Variants in HOXC5 observed in about 807,000 individuals in gnomAD.
HOXC5 encodes the protein homeobox protein Hox-C5.
Under a neutral mutation model 20.1 loss-of-function variants are expected in HOXC5, and 19 were observed. The ratio of observed to expected loss-of-function variants is 0.94; its 90% CI spans 0.66 to 1.38. HOXC5 has a LOEUF of 1.38. HOXC5 is among the 40% of genes most tolerant of loss of function. The probability of loss-of-function intolerance (pLI) is 0.00; values close to 1 mark genes in which losing one functional copy is unlikely to be tolerated. For missense variants in HOXC5, 330 were observed against 300.1 expected (o/e 1.10, Z -0.74); for synonymous variants, 124 against 117.0 (o/e 1.06, Z -0.39).
At chr12:54,030,156 C>A, upstream of HOXC5, 1 of 545,364 alleles carries the variant, frequency 1.8e-6, no homozygotes, top group South Asian at 3.1e-5. Context: ...TCTTTCACCA[C>A]GCGCCTCCTC....
chr12:54,031,800 G>A (rs1280395376), upstream of HOXC5, among the ~76,000 whole-genome samples: 7 of 152,186 alleles, frequency 4.6e-5, no homozygotes, highest in African/African-American at 1.7e-4. Context: ...GGCTACGGGG[G>A]AAGAGGATGG....
At chr12:54,032,286 C>G (rs921384714), upstream of HOXC5, among the ~76,000 whole-genome samples, 2 of 152,212 alleles carry the variant, frequency 1.3e-5, no homozygotes, top group South Asian at 2.1e-4. Flanking sequence ...AGCTTCATGA[C>G]CCCCCTATCT....
the HOXC5 span, chr12:54,017,433 G>A: frequency 2.3e-4 from 35 of 150,382 alleles, no homozygotes; most frequent in African/African-American, 8.8e-4. Context: ...TTCCTTATTG[G>A]TTCAAATATG....
chr12:54,026,943 C>A, the HOXC5 span, among the ~76,000 whole-genome samples: 514 of 140,392 alleles, frequency 3.7e-3, 3 homozygotes, highest in African/African-American at 0.013. Context: ...CTTTCCCCCC[C>A]CCCAACCCAC....
upstream of HOXC5, chr12:54,028,499 A>G (rs1940832225): frequency 6.2e-7 from 1 of 1,607,846 alleles, no homozygotes; most frequent in African/African-American, 1.3e-5. Flanking sequence ...GAAATCATAG[A>G]CCGACCAGGT....
upstream of HOXC5, among the ~76,000 whole-genome samples, chr12:54,032,440 T>G (rs1025195783): frequency 6.6e-6 from 1 of 152,238 alleles, no homozygotes; most frequent in Non-Finnish European, 1.5e-5. Context: ...ACCTTTGGTT[T>G]AGGGAACCTA....
In HOXC5 at chr12:54,035,130, T is replaced by G. The variant is rs1257020329; in HGVS notation, c.*638T>G. The stretch of plus-strand genomic sequence containing the variant: ...CCCGGGAACCTCCCCAGCCTGCGCC[T>G]GCTGCATGCCCTCTCAGGCCGGCAG... On this transcript the variant is annotated 3_prime_UTR_variant, in exon 2 of 2. Coordinates refer to ENST00000312492, the MANE Select transcript of HOXC5 (RefSeq NM_018953.4). 1 of 154,192 alleles carries G rather than the reference T, an allele frequency of 6.5e-6. No homozygotes were observed. The highest frequency in any genetic ancestry group is 1.4e-5 in the Non-Finnish European group (1 of 69,212). 9.6% of individuals were successfully genotyped at this position (154,192 alleles called of 1,614,324 possible). A position where few individuals can be genotyped will look rare whatever the true frequency, so the allele number is the denominator to read the frequency against.
chr12:54,029,884 C>A (rs768294867), upstream of HOXC5: 1 of 1,610,382 alleles, frequency 6.2e-7, no homozygotes, highest in Non-Finnish European at 8.5e-7. Context: ...CGGGGGGCGG[C>A]GGAGGGGCCA....
upstream of HOXC5, among the ~76,000 whole-genome samples, chr12:54,032,367 C>T (rs1037398988): frequency 1.3e-5 from 2 of 152,254 alleles, no homozygotes; most frequent in Non-Finnish European, 2.9e-5. Flanking sequence ...TCTACTTTCT[C>T]TTGCTGATAG....
chr12:54,033,774 C>A (rs1941084701), intron 1 of HOXC5, among the ~76,000 whole-genome samples, 198 bp downstream of exon 1: 1 of 152,138 alleles, frequency 6.6e-6, no homozygotes, highest in South Asian at 2.1e-4. Context: ...AGGAACAAAA[C>A]GTGTATAAAA....
At chr12:54,025,752 T>G in the HOXC5 span, among the ~76,000 whole-genome samples, 1 of 152,200 alleles carries the variant, frequency 6.6e-6, no homozygotes, top group African/African-American at 2.4e-5. Context: ...GCTCACATTC[T>G]GCCTCTCAGG....
At chr12:54,021,590 C>G in the HOXC5 span, 3 of 152,248 alleles carry the variant, frequency 2.0e-5, no homozygotes, top group Non-Finnish European at 4.4e-5. Flanking sequence ...TCTAGGTGAT[C>G]GGGTTCCTCC....
Position 54,034,373 on chromosome 12 carries a change from A to G in HOXC5, c.550A>G (p.Arg184Gly). Reference protein sequence around the residue: ...FHFNRYLTRRRRIEIANNLCL... With the variant: ...FHFNRYLTRRGRIEIANNLCL... ...CTTTAACCGCTACCTCACTCGCCGC[A>G]GGCGCATAGAGATCGCCAACAACTT... Residue 184 changes from arginine to glycine, a missense_variant, in exon 2 of 2, where the codon AGG becomes GGG. Arg to Gly is a moderately radical substitution (Grantham distance 125). Transcript: ENST00000312492. The G allele has an allele frequency of 6.2e-7, 1 of 1,614,136 alleles. No homozygotes were observed. The highest frequency in any genetic ancestry group is 8.5e-7 in the Non-Finnish European group (1 of 1,179,920).
At chr12:54,021,510 A>C in the HOXC5 span, 2 of 152,194 alleles carry the variant, frequency 1.3e-5, no homozygotes, top group African/African-American at 4.8e-5. Flanking sequence ...GGAAATATCA[A>C]TGTCAGTGGA....
At chr12:54,028,974 AC>A (rs1436497494), upstream of HOXC5, 7 of 1,519,554 alleles carry the variant, frequency 4.6e-6, no homozygotes, top group East Asian at 1.4e-4. Context: ...TGGCTTTATG[AC>A]CGGCTTCCCT....
chr12:54,034,526 A>G lies in HOXC5; in HGVS notation c.*34A>G. On this transcript the variant is annotated 3_prime_UTR_variant, in exon 2 of 2. Coordinates refer to ENST00000312492, the MANE Select transcript of HOXC5 (RefSeq NM_018953.4). ...GGGGAGGCCCGCAGAGCGCGCCCCT[A>G]GCCGGTTCCTGTCCCTGCGCCTTTC... 1.9e-6 allele frequency: 3 copies of G among 1,561,334 alleles called. No individual in the cohort carries two copies. Among genetic ancestry groups the G allele is most frequent in the Non-Finnish European group, 2.6e-6 (3 of 1,135,024 alleles).
intron 1 of HOXC5, chr12:54,034,007 C>G (rs773034544): frequency 1.6e-6 from 1 of 644,482 alleles, no homozygotes; most frequent in African/African-American, 1.8e-5. Flanking sequence ...GCTTATTGTT[C>G]GGTCCGAGCC....
At chr12:54,029,827 C>T, upstream of HOXC5, 1 of 1,614,068 alleles carries the variant, frequency 6.2e-7, no homozygotes, top group Non-Finnish European at 8.5e-7. Flanking sequence ...GGTTCCAGAA[C>T]CGCCGGATGA....
Position 54,034,867 on chromosome 12 carries a change from G to A in HOXC5, c.*375G>A. The A allele has an allele frequency of 3.5e-6, 1 of 286,726 alleles. No individual in the cohort carries two copies. Among genetic ancestry groups the A allele is most frequent in the South Asian group, 4.0e-5 (1 of 25,240 alleles). The allele number at this position is 286,726 out of a possible 1,614,324, so 17.8% of individuals were successfully genotyped here. On this transcript the variant is annotated 3_prime_UTR_variant, in exon 2 of 2. Coordinates refer to ENST00000312492, the MANE Select transcript of HOXC5 (RefSeq NM_018953.4). ...CCGAGTTAAGGTGGGCCCGGCCCGC[G>A]CCACAGGACCCTCGCCGGACCCTCT...
Sources: allele counts gnomAD v4.1 joint callset (sites outside exome capture counted in the v4.1 genomes callset), GRCh38; gene constraint gnomAD v4.1.1; transcripts MANE v1.5; gene names NCBI Gene and HGNC (gene_info 2026-07-23, HGNC 2026-07-21).